THSD7B: variants seen among roughly 807,000 people sequenced by gnomAD.
The protein encoded by THSD7B is thrombospondin type 1 domain containing 7B, also known as thrombospondin type-1 domain-containing protein 7B.
A neutral mutation model predicts 213.6 loss-of-function variants in THSD7B; 138 were observed. The ratio of observed to expected loss-of-function variants is 0.65; its 90% confidence interval spans 0.56 to 0.74. THSD7B has a LOEUF of 0.74. THSD7B is among the 30% of genes least tolerant of loss of function. The pLI is 0.00. For synonymous variants in THSD7B, 742 were observed against 687.0 expected, an observed-to-expected ratio of 1.08 and a Z score of -1.25; for missense variants, 1,931 against 1,991.5, an observed-to-expected ratio of 0.97 and a Z score of 0.58.
chr2:136,804,289 T>C (rs1247079642), intron 1 of THSD7B, among the ~76,000 whole-genome samples: 1 of 152,112 alleles, frequency 6.6e-6, no homozygotes, highest in Non-Finnish European at 1.5e-5. Flanking sequence ...TTTGTGAAGG[T>C]ATAATGAATT....
At chr2:137,564,891 A>G (rs183614399) in intron 16 of THSD7B, among the ~76,000 whole-genome samples, 6 of 152,298 alleles carry the variant, frequency 3.9e-5, no homozygotes, top group East Asian at 3.9e-4. Context: ...AAAAATATCC[A>G]TATGTCTAAG....
At chr2:136,897,161 G>A (rs550408351) in intron 2 of THSD7B, among the ~76,000 whole-genome samples, 40 of 152,158 alleles carry the variant, frequency 2.6e-4, no homozygotes, top group African/African-American at 9.4e-4. Context: ...TCACTGTGTT[G>A]CCTAGAGATC....
At chr2:137,660,015 GT>G (rs151161916) in intron 25 of THSD7B, among the ~76,000 whole-genome samples, 3,917 of 152,176 alleles carry the variant, frequency 0.026, 143 homozygotes, top group African/African-American at 0.088. Flanking sequence ...AGTATTCTCA[GT>G]TGACTTATGT....
At chr2:136,915,182 T>G (rs548109868) in intron 2 of THSD7B, among the ~76,000 whole-genome samples, 6 of 152,314 alleles carry the variant, frequency 3.9e-5, no homozygotes, top group African/African-American at 1.4e-4. Context: ...AGTGAGATAC[T>G]AGCCTTTTTC....
intron 10 of THSD7B, among the ~76,000 whole-genome samples, chr2:137,261,963 C>T (rs762366775): frequency 9.4e-5 from 14 of 148,522 alleles, no homozygotes; most frequent in African/African-American, 2.5e-4. Flanking sequence ...TGAGCCATAG[C>T]GAGTGATGGG....
At chr2:137,427,355 T>C (rs548592341) in intron 14 of THSD7B, among the ~76,000 whole-genome samples, 1 of 152,266 alleles carries the variant, frequency 6.6e-6, no homozygotes, top group South Asian at 2.1e-4. Flanking sequence ...TGCACTCCCA[T>C]GTTCATTGTA....
intron 20 of THSD7B, among the ~76,000 whole-genome samples, chr2:137,626,048 G>C (rs1451803117): frequency 6.6e-6 from 1 of 152,206 alleles, no homozygotes; most frequent in Non-Finnish European, 1.5e-5. Flanking sequence ...ACTGGGATGT[G>C]GGTAGCAGAT....
At chr2:137,478,524 T>G (rs1688240240) in intron 15 of THSD7B, among the ~76,000 whole-genome samples, 1 of 152,164 alleles carries the variant, frequency 6.6e-6, no homozygotes, top group African/African-American at 2.4e-5. Context: ...CTCACTGAGT[T>G]TCTTTAATGT....
At chr2:136,877,843 A>G (rs1362455573) in intron 1 of THSD7B, among the ~76,000 whole-genome samples, 2 of 152,140 alleles carry the variant, frequency 1.3e-5, no homozygotes, top group Non-Finnish European at 2.9e-5. Context: ...GAAAAAAAAG[A>G]AGGCAAAAAC....
In THSD7B at chr2:137,569,931, C is replaced by A. The variant is rs562283757; in HGVS notation, c.3273-2475C>A. Among the ~76,000 whole-genome samples, 5 of 152,006 alleles carry A rather than the reference C, an allele frequency of 3.3e-5. No homozygotes were observed. In the South Asian group the frequency reaches 8.3e-4, roughly 25 times the overall value. ...TCATTAACCAGAAGTCTTCCCTCTT[C>A]TTTTTCAGTGAAATAATAAATGAAC... On this transcript the variant is annotated intron_variant, in intron 16 of 27. Coordinates refer to ENST00000409968, the MANE Select transcript of THSD7B (RefSeq NM_001316349.2).
chr2:136,976,168 C>G (rs974590078), intron 2 of THSD7B, among the ~76,000 whole-genome samples: 1 of 152,120 alleles, frequency 6.6e-6, no homozygotes, highest in East Asian at 1.9e-4. Context: ...ATTTCTTTCT[C>G]TTGCCTGATT....
At chr2:137,238,232 C>A (rs1402368452) in intron 9 of THSD7B, among the ~76,000 whole-genome samples, 5 of 152,116 alleles carry the variant, frequency 3.3e-5, no homozygotes, top group African/African-American at 1.2e-4. Context: ...ACAAATATTT[C>A]CAGGCTGTTT....
intron 17 of THSD7B, 98 bp downstream of exon 17, chr2:137,572,654 A>G (rs1681380116): frequency 7.7e-7 from 1 of 1,299,620 alleles, no homozygotes; most frequent in Non-Finnish European, 1.0e-6. Flanking sequence ...GCATTCTTCT[A>G]GTAACATGGG....
chr2:137,049,820 G>T (rs975692522), intron 2 of THSD7B, among the ~76,000 whole-genome samples: 1 of 152,204 alleles, frequency 6.6e-6, no homozygotes, highest in South Asian at 2.1e-4. Context: ...TTATAAACTT[G>T]TATAACACAA....
intron 15 of THSD7B, among the ~76,000 whole-genome samples, chr2:137,488,210 A>T (rs4954517): frequency 4.6e-5 from 7 of 151,900 alleles, no homozygotes; most frequent in Middle Eastern, 3.2e-3. Context: ...AGTTTTTATA[A>T]TATGTCAGAA....
At chr2:136,866,516 G>T (rs993551370) in intron 1 of THSD7B, among the ~76,000 whole-genome samples, 1 of 152,108 alleles carries the variant, frequency 6.6e-6, no homozygotes, top group Non-Finnish European at 1.5e-5. Flanking sequence ...TCTGAAAAAA[G>T]GTGGAGGGGT....
intron 1 of THSD7B, among the ~76,000 whole-genome samples, chr2:136,788,649 A>C (rs531768004): frequency 6.6e-6 from 1 of 152,280 alleles, no homozygotes; most frequent in South Asian, 2.1e-4. Flanking sequence ...AATTTCTTAG[A>C]ACTAAAGCAG....
intron 3 of THSD7B, among the ~76,000 whole-genome samples, chr2:137,082,410 G>A (rs989094796): frequency 1.3e-5 from 2 of 151,976 alleles, no homozygotes; most frequent in African/African-American, 4.8e-5. Flanking sequence ...TGCTGAGAGG[G>A]GAATATCAAA....
intron 15 of THSD7B, among the ~76,000 whole-genome samples, chr2:137,464,490 G>A (rs1194383101): frequency 2.0e-5 from 3 of 152,092 alleles, no homozygotes; most frequent in East Asian, 3.9e-4. Flanking sequence ...GAGGCTGTGC[G>A]AAACACTTGC....
Sources: gnomAD v4.1 joint callset for allele counts (sites outside exome capture counted in the v4.1 genomes callset) on GRCh38, gnomAD v4.1.1 for gene constraint, MANE v1.5 for transcripts, NCBI Gene and HGNC (gene_info 2026-07-23, HGNC 2026-07-21) for gene names.